The following DGKH variants were observed in gnomAD, a reference collection of about 807,000 sequenced individuals.
DGKH encodes the protein DAG kinase eta.
In DGKH, 90 loss-of-function variants were observed where a neutral mutation model predicts 159.3. That is an observed-to-expected ratio of 0.57 (90% CI 0.48 to 0.67). The LOEUF (loss-of-function observed/expected upper bound fraction) is 0.67. Ranked by LOEUF, DGKH falls within the 30% of genes least tolerant of loss-of-function variation. The pLI is 0.00. For missense variants in DGKH, 1,181 were observed against 1,506.1 expected (o/e 0.78, Z 3.57); for synonymous variants, 536 against 553.8 (o/e 0.97, Z 0.45).
At chr13:42,061,976 A>C (rs1295890816) in intron 1 of DGKH, among the ~76,000 whole-genome samples, 1 of 78,480 alleles carries the variant, frequency 1.3e-5, no homozygotes, top group Non-Finnish European at 3.0e-5. Context: ...AAAGATGGAG[A>C]GTGTGTGTGT....
chr13:42,245,106 T>C (rs1958570966), downstream of DGKH, among the ~76,000 whole-genome samples: 1 of 151,984 alleles, frequency 6.6e-6, no homozygotes, highest in South Asian at 2.1e-4. Context: ...CCTTCAGATA[T>C]CTGAGGGACT....
intron 1 of DGKH, chr13:42,069,841 T>C: frequency 1.1e-6 from 1 of 885,168 alleles, no homozygotes; most frequent in Non-Finnish European, 1.8e-6. Flanking sequence ...AGCAGAGTAA[T>C]TGGTATGGAA....
At chr13:42,173,964 CGTGTGTGTGT>C in intron 11 of DGKH, 86 bp from the exon 12 acceptor site, 1 of 604,300 alleles carries the variant, frequency 1.7e-6, no homozygotes, top group Non-Finnish European at 2.9e-6. Flanking sequence ...TGTGTGCGTG[CGTGTGTGTGT>C]GTGTGTGTGC....
At position 42,229,114 on chromosome 13, in the gene DGKH, A is replaced by T; in HGVS notation, c.3589A>T (p.Lys1197Ter). 6.2e-7 allele frequency: 1 copy of T among 1,610,880 alleles called. No individual in the cohort carries two copies. Among genetic ancestry groups the T allele is most frequent in the Non-Finnish European group, 8.5e-7 (1 of 1,179,130 alleles). ...RRDLKDLGIP[K>*]VGHVKRILQG... is the part of the protein sequence containing the mutation. ...TTTATTTTAGGATCTGGGGATACCG[A>T]AAGTGGGTCATGTGAAGCGAATTCT... The change falls in exon 30 of 30, where the codon AAA (lysine) becomes TAA (stop). Residue 1197 changes from lysine (K) to a stop codon, truncating the protein, a stop_gained. Coordinates refer to ENST00000337343, the MANE Select transcript of DGKH (RefSeq NM_178009.5). LOFTEE classifies it high-confidence loss of function.
chr13:42,250,617 CAAAAA>C, intron 29 of DGKH, among the ~76,000 whole-genome samples: 1 of 152,206 alleles, frequency 6.6e-6, no homozygotes, highest in Non-Finnish European at 1.5e-5. Flanking sequence ...AAATTAATAA[CAAAAA>C]ATCTGAAACA....
At chr13:42,168,988 C>T (rs1956376430) in intron 11 of DGKH, among the ~76,000 whole-genome samples, 170 bp downstream of exon 11, 1 of 152,134 alleles carries the variant, frequency 6.6e-6, no homozygotes, top group African/African-American at 2.4e-5. Context: ...GAGAACAGGG[C>T]CTATCACAGA....
chr13:42,096,772 C>T (rs1167966342), intron 1 of DGKH, among the ~76,000 whole-genome samples: 2 of 152,114 alleles, frequency 1.3e-5, no homozygotes, highest in South Asian at 2.1e-4. Context: ...ATGGAGGTAT[C>T]ATCATTTGAG....
At chr13:42,181,116 A>C (rs1211278153) in intron 13 of DGKH, among the ~76,000 whole-genome samples, 2 of 151,906 alleles carry the variant, frequency 1.3e-5, no homozygotes, top group African/African-American at 2.4e-5. Flanking sequence ...CTCTACTAAA[A>C]ATACAAAAAA....
At chr13:42,207,137 CCTTCCT>C (rs1566192665) in intron 21 of DGKH, among the ~76,000 whole-genome samples, 1,711 of 33,598 alleles carry the variant, frequency 0.051, 225 homozygotes, top group South Asian at 0.067. Flanking sequence ...TTCCTTCCTT[CCTTCCT>C]TCCTTCCTTC....
intron 1 of DGKH, among the ~76,000 whole-genome samples, chr13:42,087,626 GA>G (rs1323891060): frequency 1.3e-5 from 2 of 151,982 alleles, no homozygotes; most frequent in African/African-American, 4.8e-5. Flanking sequence ...TGCAATATCT[GA>G]AATGAAAATA....
At chr13:42,189,427 A>C (rs1188719964) in intron 15 of DGKH, 118 bp downstream of exon 15, 1 of 1,321,736 alleles carries the variant, frequency 7.6e-7, no homozygotes, top group Non-Finnish European at 1.0e-6. Context: ...TTTTAAGGCA[A>C]GATAGAAGAT....
Position 42,198,519 on chromosome 13 carries a change from A to G in DGKH, c.2209A>G (p.Ile737Val), listed in dbSNP as rs1228939537. ...GGCTGCCTCAATTGCTGGGAGTTCG[A>G]TTATCAACAAAATGTTACTGGCAAA... ...GLAASIAGSS[I>V]INKMLLANID... Residue 737 changes from isoleucine (I) to valine (V), a missense_variant, in exon 18 of 30, where the codon ATT (isoleucine) becomes GTT (valine). Physicochemically the swap from Ile to Val is conservative, Grantham distance 29. Around this residue, in one of 5 missense-constraint regions of DGKH, gnomAD observed 257 missense variants for 281.5 expected, o/e 0.91. Coordinates refer to ENST00000337343, the MANE Select transcript of DGKH (RefSeq NM_178009.5). The G allele has an allele frequency of 1.2e-6, 2 of 1,613,812 alleles. No homozygotes were observed. Among genetic ancestry groups the G allele is most frequent in the Admixed American group, 3.3e-5 (2 of 60,000 alleles).
intron 1 of DGKH, among the ~76,000 whole-genome samples, chr13:42,118,728 G>A (rs1376531932): frequency 2.6e-5 from 4 of 152,232 alleles, no homozygotes; most frequent in African/African-American, 9.6e-5. Flanking sequence ...GAGCTTAGGA[G>A]GGGTAGGCCA....
chr13:42,044,532 G>A (rs1880698241), upstream of DGKH, among the ~76,000 whole-genome samples: 1 of 152,070 alleles, frequency 6.6e-6, no homozygotes, highest in African/African-American at 2.4e-5. Flanking sequence ...CTCGTGATCC[G>A]TTCGCCTTGG....
chr13:42,129,782 A>G (rs1955251407), intron 3 of DGKH, 150 bp downstream of exon 3: 1 of 591,350 alleles, frequency 1.7e-6, no homozygotes, highest in Admixed American at 3.3e-5. Context: ...TACACTGTAT[A>G]TTCTAACACC....
chr13:42,218,999 C>G (rs1490450488), intron 26 of DGKH, among the ~76,000 whole-genome samples: 1 of 152,174 alleles, frequency 6.6e-6, no homozygotes, highest in East Asian at 1.9e-4. Flanking sequence ...TAAAGTTACA[C>G]TAGCTACTCA....
chr13:42,220,983 T>C lies in DGKH; in HGVS notation c.3443-281T>C, dbSNP rs183870638. On this transcript the variant is annotated intron_variant, in intron 28 of 29. Transcript: ENST00000337343. ...CTAATGATGTGAAATACATTTTGTA[T>C]GCATATTGTGTAGGTTGGGTGGCTT... Among the ~76,000 whole-genome samples, 36 of 152,354 alleles carry C rather than the reference T, an allele frequency of 2.4e-4. No individual in the cohort carries two copies. In the Middle Eastern group the frequency reaches 0.01, roughly 43 times the overall value.
chr13:42,123,789 C>T (rs188408117), intron 1 of DGKH, among the ~76,000 whole-genome samples: 17 of 152,282 alleles, frequency 1.1e-4, no homozygotes, highest in Non-Finnish European at 2.5e-4. Flanking sequence ...CAATGAGATA[C>T]TATGTACCTA....
At chr13:42,064,852 TA>T (rs1434406936) in intron 1 of DGKH, among the ~76,000 whole-genome samples, 1 of 152,068 alleles carries the variant, frequency 6.6e-6, no homozygotes, top group Non-Finnish European at 1.5e-5. Flanking sequence ...GAAAGTATCC[TA>T]AAGAAAGAAA....
Sources: allele counts gnomAD v4.1 joint callset (sites outside exome capture counted in the v4.1 genomes callset), GRCh38; gene constraint gnomAD v4.1.1; regional missense constraint gnomAD v4.1.1; transcripts MANE v1.5; gene names NCBI Gene and HGNC (gene_info 2026-07-23, HGNC 2026-07-21).